SHISA6: variants seen among roughly 807,000 people sequenced by gnomAD.
SHISA6 encodes shisa family member 6, also known as protein shisa-6.
SHISA6 carries 22 observed loss-of-function variants against 47.9 expected under a neutral mutation model. The observed-to-expected ratio is 0.46, with a 90% CI of 0.33 to 0.66. The LOEUF is 0.66. Ranked by LOEUF, SHISA6 falls within the 30% of genes least tolerant of loss-of-function variation. The probability of loss-of-function intolerance (pLI) is 0.02; values close to 1 mark genes in which losing one functional copy is unlikely to be tolerated. For missense variants in SHISA6, 680 were observed against 764.6 expected (o/e 0.89, Z 1.30); for synonymous variants, 388 against 337.8 (o/e 1.15, Z -1.63).
At chr17:11,334,276 C>A (rs1440409132) in intron 2 of SHISA6, among the ~76,000 whole-genome samples, 1 of 152,078 alleles carries the variant, frequency 6.6e-6, no homozygotes, top group African/African-American at 2.4e-5. Context: ...GAATTGAATT[C>A]TTGAACACCC....
chr17:11,481,311 C>T (rs1469979864), intron 3 of SHISA6, among the ~76,000 whole-genome samples: 1 of 143,164 alleles, frequency 7.0e-6, no homozygotes. Context: ...TATAACAGAG[C>T]GAGACACCCT....
chr17:11,482,911 A>G (rs1355054415), intron 3 of SHISA6, among the ~76,000 whole-genome samples: 1 of 152,220 alleles, frequency 6.6e-6, no homozygotes, highest in East Asian at 1.9e-4. Context: ...AACTACTTAT[A>G]GAGTTAAATA....
Position 11,491,009 on chromosome 17 carries a change from C to T in SHISA6, c.896-60887C>T, listed in dbSNP as rs1276492016. On this transcript the variant is annotated intron_variant, in intron 3 of 5. Transcript: ENST00000441885. ...TGCCCAATCTCAGCCTCCCTGACCA[C>T]AGAAGGAGGAAATGAGACCCTTCAA... 2.0e-5 allele frequency among the ~76,000 whole-genome samples: 3 copies of T among 152,188 alleles called. No homozygotes were observed. In the East Asian group the frequency reaches 5.8e-4, roughly 29 times the overall value.
At chr17:11,303,133 G>A (rs1337393894) in intron 2 of SHISA6, among the ~76,000 whole-genome samples, 1 of 152,130 alleles carries the variant, frequency 6.6e-6, no homozygotes, top group Non-Finnish European at 1.5e-5. Context: ...CTGTGTGTGT[G>A]TACGTATCAG....
chr17:11,500,402 C>T (rs1004073105), intron 3 of SHISA6, among the ~76,000 whole-genome samples: 6 of 152,192 alleles, frequency 3.9e-5, no homozygotes, highest in Non-Finnish European at 7.3e-5. Context: ...TGCAAAAGTG[C>T]TGTGCATGGC....
At chr17:11,260,682 C>T (rs1908200446) in intron 1 of SHISA6, among the ~76,000 whole-genome samples, 1 of 151,984 alleles carries the variant, frequency 6.6e-6, no homozygotes, top group Admixed American at 6.6e-5. Flanking sequence ...CTTTCACTAA[C>T]TCTCTTCTCT....
Position 11,560,729 on chromosome 17 carries a change from C to T in SHISA6, c.*2425C>T, listed in dbSNP as rs1218866609. The T allele has an allele frequency of 6.6e-6, 1 of 152,220 alleles. No homozygotes were observed. The highest frequency in any genetic ancestry group is 2.4e-5 in the African/African-American group (1 of 41,452). The allele number at this position is 152,220 out of a possible 1,614,324, so 9.4% of individuals were successfully genotyped here. On this transcript the variant is annotated 3_prime_UTR_variant, in exon 6 of 6. Coordinates refer to ENST00000441885, the MANE Select transcript of SHISA6 (RefSeq NM_207386.4). ...GGTCCTCCCCAAGCCCTGTCTCTGACAGGGTTTCTGTCTCTCTCAGGGGTT... is the reference window on the plus strand; with the variant it reads ...GGTCCTCCCCAAGCCCTGTCTCTGATAGGGTTTCTGTCTCTCTCAGGGGTT...
chr17:11,375,928 G>C lies in SHISA6; in HGVS notation c.800-3486G>C, dbSNP rs570850592. ...CATTCAGTTCAGCAGGTGGTGGAAG[G>C]CATGCTCTGAAACCTGAAACCATCC... is the stretch of plus-strand genomic sequence containing the variant. On this transcript the variant is annotated intron_variant, in intron 2 of 5. Coordinates refer to ENST00000441885, the MANE Select transcript of SHISA6 (RefSeq NM_207386.4). Among the ~76,000 whole-genome samples, 70 of 152,320 alleles carry C rather than the reference G, an allele frequency of 4.6e-4. 2 individuals are homozygous for C. In the East Asian group the frequency reaches 0.013, roughly 27 times the overall value.
Position 11,515,406 on chromosome 17 carries a change from T to C in SHISA6, c.896-36490T>C, listed in dbSNP as rs1237472854. On this transcript the variant is annotated intron_variant, in intron 3 of 5. Coordinates refer to ENST00000441885, the MANE Select transcript of SHISA6 (RefSeq NM_207386.4). ...AAATAACCACTAAGACTTTACTTAT[T>C]GGATCCCCTGAATAGAGGAATTTCC... Among the ~76,000 whole-genome samples, 4 of 151,822 alleles carry C rather than the reference T, an allele frequency of 2.6e-5. No individual in the cohort carries two copies. In the East Asian group the frequency reaches 7.8e-4, roughly 30 times the overall value.
At chr17:11,370,801 TGA>T (rs1344381557) in intron 2 of SHISA6, among the ~76,000 whole-genome samples, 3 of 152,184 alleles carry the variant, frequency 2.0e-5, no homozygotes, top group East Asian at 1.9e-4. Context: ...TTTAGTCCAG[TGA>T]GAGTGTCGGG....
At chr17:11,526,880 CATATATATATATATATATATATAT>C (rs149856154) in intron 3 of SHISA6, among the ~76,000 whole-genome samples, 222 of 111,908 alleles carry the variant, frequency 2.0e-3, no homozygotes, top group African/African-American at 5.9e-3. Flanking sequence ...TATCTATCAT[CATATATATATATATATATATATAT>C]ATATATATAT....
intron 3 of SHISA6, among the ~76,000 whole-genome samples, chr17:11,522,132 A>T (rs1041706023): frequency 2.0e-5 from 3 of 148,170 alleles, no homozygotes; most frequent in Non-Finnish European, 4.5e-5. Flanking sequence ...CGCCCGGCTA[A>T]TTTTTTGTAT....
At chr17:11,551,558 C>G (rs538491530) in intron 3 of SHISA6, among the ~76,000 whole-genome samples, 1 of 152,260 alleles carries the variant, frequency 6.6e-6, no homozygotes, top group Admixed American at 6.5e-5. Flanking sequence ...GTTCCCCCAC[C>G]CTGTCCATGC....
chr17:11,512,950 A>C (rs938703651), intron 3 of SHISA6, among the ~76,000 whole-genome samples: 1 of 151,986 alleles, frequency 6.6e-6, no homozygotes, highest in African/African-American at 2.4e-5. Flanking sequence ...TTTTGCAGTG[A>C]ATTTTCTCAA....
At chr17:11,476,020 T>C (rs1003208149) in intron 3 of SHISA6, among the ~76,000 whole-genome samples, 2 of 152,060 alleles carry the variant, frequency 1.3e-5, no homozygotes, top group Admixed American at 6.6e-5. Flanking sequence ...TGGCAGATTG[T>C]ATCTTTTTAA....
intron 2 of SHISA6, among the ~76,000 whole-genome samples, chr17:11,295,823 C>T (rs1282506634): frequency 5.3e-5 from 8 of 151,872 alleles, no homozygotes; most frequent in Middle Eastern, 3.4e-3. Flanking sequence ...ATTAGCTGGG[C>T]GTGGTGGCGG....
chr17:11,386,248 A>G (rs1222510137), intron 3 of SHISA6, among the ~76,000 whole-genome samples: 1 of 152,100 alleles, frequency 6.6e-6, no homozygotes, highest in African/African-American at 2.4e-5. Flanking sequence ...GGTGGTGCAC[A>G]CCTGTAATTG....
rs2072060144 is a variant in SHISA6, at chr17:11,563,049, T to G, written c.*4745T>G. The stretch of plus-strand genomic sequence containing the variant: ...TCTGGGGAATTCTGAGTTTGGAGTT[T>G]CCATTTGGATACGGTCCTTATAGCT... On this transcript the variant is annotated 3_prime_UTR_variant, in exon 6 of 6. Coordinates refer to ENST00000441885, the MANE Select transcript of SHISA6 (RefSeq NM_207386.4). The G allele has an allele frequency of 6.6e-6, 1 of 152,288 alleles. No individual in the cohort carries two copies. The highest frequency in any genetic ancestry group is 1.5e-5 in the Non-Finnish European group (1 of 68,092). The allele number at this position is 152,288 out of a possible 1,614,324, so 9.4% of individuals were successfully genotyped here.
chr17:11,558,146 A>G lies in SHISA6; in HGVS notation c.1498A>G (p.Ser500Gly). Residue 500 changes from serine to glycine, a missense_variant, in exon 6 of 6, where the codon AGT becomes GGT. By Grantham distance (56) the Ser-to-Gly change is moderately conservative (BLOSUM62 0). Around this residue, in one of 2 missense-constraint regions of SHISA6, gnomAD observed 559 missense variants for 674.1 expected, o/e 0.83. Transcript: ENST00000441885. Reference sequence around the variant, plus strand: ...CATGAGCAAGATGCACTCTCATCCCAGTGCCTCCAATAACTCATACGCCAC... The same window carrying G: ...CATGAGCAAGATGCACTCTCATCCCGGTGCCTCCAATAACTCATACGCCAC... ...YRMSKMHSHP[S>G]ASNNSYATLG... The G allele has an allele frequency of 1.3e-6, 2 of 1,550,500 alleles. No individual in the cohort carries two copies. The highest frequency in any genetic ancestry group is 1.2e-5 in the South Asian group (1 of 84,068).
Sources: allele counts gnomAD v4.1 joint callset (sites outside exome capture counted in the v4.1 genomes callset), GRCh38; gene constraint gnomAD v4.1.1; regional missense constraint gnomAD v4.1.1; transcripts MANE v1.5; gene names NCBI Gene and HGNC (gene_info 2026-07-23, HGNC 2026-07-21).